Variants in LNPK observed in about 807,000 individuals in gnomAD.
LNPK encodes the protein lunapark, ER junction formation factor.
In LNPK, 29 loss-of-function variants were observed where a neutral mutation model predicts 55.2. That is an observed-to-expected ratio of 0.53 (90% confidence interval 0.39 to 0.72). The LOEUF (loss-of-function observed/expected upper bound fraction) is 0.72, where lower values mean the gene tolerates loss of function less well. Among genes scored for constraint, LNPK ranks in the 30% least tolerant of loss-of-function variants. The pLI is 0.00. For missense variants in LNPK, 467 were observed against 494.8 expected, an observed-to-expected ratio of 0.94 and a Z score of 0.53; for synonymous variants, 162 against 168.2, an observed-to-expected ratio of 0.96 and a Z score of 0.29.
chr2:175,947,626 G>A lies in LNPK; in HGVS notation c.560C>T (p.Pro187Leu). 1 of 1,613,970 alleles carries A rather than the reference G, an allele frequency of 6.2e-7. No individual in the cohort carries two copies. Among genetic ancestry groups the A allele is most frequent in the Admixed American group, 1.7e-5 (1 of 60,014 alleles). ...SPTPASPNQG[P>L]PPQVPVSPGP... ...AGGAGATACTGGAACTTGTGGAGGA[G>A]GGCCCTGGTTAGGGCTTGCTGGTGT... Residue 187 changes from proline (P) to leucine (L), a missense_variant, in exon 9 of 13, where the codon CCT becomes CTT. By Grantham distance (98) the Pro-to-Leu change is moderately conservative (BLOSUM62 -3). Coordinates refer to ENST00000272748, the MANE Select transcript of LNPK (RefSeq NM_030650.3).
intron 9 of LNPK, among the ~76,000 whole-genome samples, chr2:175,941,663 C>T (rs954262614): frequency 1.6e-4 from 24 of 151,508 alleles, no homozygotes; most frequent in South Asian, 6.3e-4. Flanking sequence ...TGGTGGCACG[C>T]GCCTGTAGTC....
At chr2:175,981,007 T>C (rs1687148677) in intron 4 of LNPK, among the ~76,000 whole-genome samples, 1 of 151,470 alleles carries the variant, frequency 6.6e-6, no homozygotes, top group Admixed American at 6.6e-5. Context: ...GTACTGGAAA[T>C]AAATTCAGAA....
chr2:175,946,466 T>G (rs1685125916), intron 9 of LNPK, among the ~76,000 whole-genome samples: 1 of 152,150 alleles, frequency 6.6e-6, no homozygotes, highest in Non-Finnish European at 1.5e-5. Flanking sequence ...TTTTAAAAGT[T>G]TTAAGATTTG....
chr2:175,957,371 A>T (rs1041762735), intron 8 of LNPK, among the ~76,000 whole-genome samples: 1 of 151,736 alleles, frequency 6.6e-6, no homozygotes, highest in Non-Finnish European at 1.5e-5. Context: ...AAAAGAAAAC[A>T]TCTCAAAAAA....
intron 6 of LNPK, 44 bp from the exon 7 acceptor site, chr2:175,964,633 C>T (rs1163328683): frequency 2.9e-6 from 3 of 1,021,572 alleles, no homozygotes; most frequent in South Asian, 2.5e-5. Flanking sequence ...TCAAAACACA[C>T]ACTACTTATT....
chr2:175,995,452 A>G, intron 2 of LNPK, 106 bp downstream of exon 2: 1 of 743,206 alleles, frequency 1.3e-6, no homozygotes. Flanking sequence ...TAAGGAAAAT[A>G]GCAAACTACT....
At chr2:175,961,074 A>G (rs1248056870) in intron 8 of LNPK, among the ~76,000 whole-genome samples, 5 of 152,134 alleles carry the variant, frequency 3.3e-5, no homozygotes, top group African/African-American at 1.2e-4. Flanking sequence ...ATAGCCTACC[A>G]ACCAAAAAAA....
chr2:175,966,178 C>T (rs554152751), intron 6 of LNPK, among the ~76,000 whole-genome samples: 1 of 152,278 alleles, frequency 6.6e-6, no homozygotes, highest in African/African-American at 2.4e-5. Context: ...GATTCTCTGC[C>T]TCAGGCTCCC....
chr2:175,927,565 C>A lies in LNPK; in HGVS notation c.*2402G>T, dbSNP rs1684066993. 3 of 152,100 alleles carry A rather than the reference C, an allele frequency of 2.0e-5. No homozygotes were observed. Among genetic ancestry groups the A allele is most frequent in the Admixed American group, 1.3e-4 (2 of 15,268 alleles). 9.4% of individuals were successfully genotyped at this position (152,100 alleles called of 1,614,324 possible). On this transcript the variant is annotated 3_prime_UTR_variant, in exon 13 of 13. Transcript: ENST00000272748. ...AAAGGAGTTCCATATGGCTACAGCACAATGATGGCGGGAAGACGGAGAGAC... is the reference window on the plus strand; with the variant it reads ...AAAGGAGTTCCATATGGCTACAGCAAAATGATGGCGGGAAGACGGAGAGAC...
chr2:175,975,861 A>C lies in LNPK; in HGVS notation c.316+3949T>G, dbSNP rs1472186003. ...CCCTGTCTCTATTAAAAATACAAAA[A>C]AATTAGCTGGGCATGGTGGCGGGTG... On this transcript the variant is annotated intron_variant, in intron 5 of 12. Transcript: ENST00000272748. Among the ~76,000 whole-genome samples the C allele has an allele frequency of 2.0e-5, 3 of 152,076 alleles. No individual in the cohort carries two copies. In the East Asian group the frequency reaches 5.8e-4, roughly 29 times the overall value.
At chr2:175,990,481 C>G (rs966515056) in intron 4 of LNPK, among the ~76,000 whole-genome samples, 5 of 152,180 alleles carry the variant, frequency 3.3e-5, no homozygotes, top group Admixed American at 2.0e-4. Flanking sequence ...AACCTCATTT[C>G]TTTATAAACT....
In LNPK at chr2:175,938,350, A is replaced by G. The variant is rs200382519; in HGVS notation, c.846T>C (p.His282=). Residue 282 remains histidine (H), a synonymous_variant, in exon 11 of 13, where the codon CAT becomes CAC. Transcript: ENST00000272748. The stretch of plus-strand genomic sequence containing the variant: ...ATTCTTCCTTCAAAGCCATGCCATT[A>G]TGAGAAAAACACTGCTGACATATAA... The part of the protein sequence containing the change: ...YALICQQCFS[H]NGMALKEEFE... 9 of 1,603,834 alleles carry G rather than the reference A, an allele frequency of 5.6e-6. No homozygotes were observed. Among genetic ancestry groups the G allele is most frequent in the Middle Eastern group, 3.3e-4 (2 of 6,058 alleles).
chr2:176,002,559 C>T, upstream of LNPK: 1 of 202,240 alleles, frequency 4.9e-6, no homozygotes, highest in South Asian at 6.1e-5. Flanking sequence ...CCAAGTCTCG[C>T]TGGAGAAGGA....
intron 4 of LNPK, among the ~76,000 whole-genome samples, chr2:175,985,398 A>G (rs1687358031): frequency 6.6e-6 from 1 of 152,212 alleles, no homozygotes; most frequent in Non-Finnish European, 1.5e-5. Context: ...AAGCAATGTC[A>G]ATTTCCTGGC....
intron 10 of LNPK, among the ~76,000 whole-genome samples, chr2:175,939,045 G>A (rs72912927): frequency 0.061 from 9,258 of 151,836 alleles, 329 homozygotes; most frequent in Admixed American, 0.12. Context: ...AATTAGGAGC[G>A]CTGTCAAACA....
intron 2 of LNPK, 75 bp from the exon 3 acceptor site, chr2:175,993,298 G>A (rs1327786788): frequency 1.9e-5 from 16 of 841,628 alleles, no homozygotes; most frequent in Non-Finnish European, 2.7e-5. Flanking sequence ...AATCATTAAA[G>A]AACATTTATT....
intron 1 of LNPK, among the ~76,000 whole-genome samples, chr2:175,999,347 C>A (rs1688076394): frequency 6.6e-6 from 1 of 152,162 alleles, no homozygotes; most frequent in East Asian, 1.9e-4. Flanking sequence ...TTGGACAAAT[C>A]AGTTACTTAA....
At chr2:175,931,155 T>C (rs1195843798) in intron 12 of LNPK, among the ~76,000 whole-genome samples, 2 of 152,170 alleles carry the variant, frequency 1.3e-5, no homozygotes, top group African/African-American at 4.8e-5. Flanking sequence ...ATTAGTATTT[T>C]TGCTAGTAGA....
chr2:175,965,125 T>G (rs1300601754), intron 6 of LNPK, among the ~76,000 whole-genome samples: 2 of 152,206 alleles, frequency 1.3e-5, no homozygotes, highest in Non-Finnish European at 2.9e-5. Context: ...CCATGGAATT[T>G]GCTCAAATGA....
Sources: gnomAD v4.1 joint callset for allele counts (sites outside exome capture counted in the v4.1 genomes callset) on GRCh38, gnomAD v4.1.1 for gene constraint, MANE v1.5 for transcripts, NCBI Gene and HGNC (gene_info 2026-07-23, HGNC 2026-07-21) for gene names.